Variants in CD3E observed in about 807,000 individuals in gnomAD.
CD3E encodes CD3 epsilon subunit of T-cell receptor complex, also known as T-cell surface glycoprotein CD3 epsilon chain.
Under a neutral mutation model 34.7 loss-of-function variants are expected in CD3E, and 16 were observed. The ratio of observed to expected loss-of-function variants is 0.46; its 90% confidence interval spans 0.31 to 0.70. CD3E has a LOEUF of 0.70. Ranked by LOEUF, CD3E falls within the 30% of genes least tolerant of loss-of-function variation. The pLI, the probability that CD3E is intolerant of heterozygous loss-of-function variation, is 0.05. For missense variants in CD3E, 223 were observed against 253.9 expected, an observed-to-expected ratio of 0.88 and a Z score of 0.83; for synonymous variants, 70 against 90.8, an observed-to-expected ratio of 0.77 and a Z score of 1.30.
chr11:118,312,327 T>C (rs1948140040), intron 5 of CD3E, 157 bp downstream of exon 5: 2 of 833,912 alleles, frequency 2.4e-6, no homozygotes, highest in East Asian at 4.9e-5. Context: ...TAGGGACTTC[T>C]GTGGGTTTTT....
At chr11:118,311,821 G>T (rs1307634505) in intron 4 of CD3E, among the ~76,000 whole-genome samples, 1 of 152,178 alleles carries the variant, frequency 6.6e-6, no homozygotes, top group East Asian at 1.9e-4. Flanking sequence ...GCTAATTTAA[G>T]AGGATAAGCT....
At chr11:118,314,330 G>A (rs1279434586) in intron 7 of CD3E, 118 bp from the exon 8 acceptor site, 5 of 799,216 alleles carry the variant, frequency 6.3e-6, no homozygotes, top group African/African-American at 1.7e-5. Context: ...AGAAAAGGGA[G>A]CGGTAGAGGA....
intron 4 of CD3E, among the ~76,000 whole-genome samples, chr11:118,310,327 C>T (rs1450169380): frequency 6.6e-6 from 1 of 152,152 alleles, no homozygotes; most frequent in Non-Finnish European, 1.5e-5. Context: ...CCTCTGTGTT[C>T]ATGTGTTCTC....
At position 118,307,290 on chromosome 11, in the gene CD3E, G is replaced by C; in HGVS notation, c.52G>C (p.Gly18Arg). ...RVLGLCLLSV[G>R]VWGQDGNEEM... ...TTTTTTTCTTATTTATTTTCTAGTTGGCGTTTGGGGGCAAGATGGTGAGAT... is the reference window on the plus strand; with the variant it reads ...TTTTTTTCTTATTTATTTTCTAGTTCGCGTTTGGGGGCAAGATGGTGAGAT... Residue 18 changes from glycine (G) to arginine (R), a missense_variant and splice_region_variant, in exon 3 of 9, where the codon GGC becomes CGC. By Grantham distance (125) the Gly-to-Arg change is moderately radical. Transcript: ENST00000361763. 6.2e-7 allele frequency: 1 copy of C among 1,605,746 alleles called. No homozygotes were observed. Among genetic ancestry groups the C allele is most frequent in the Non-Finnish European group, 8.5e-7 (1 of 1,173,562 alleles).
Position 118,312,168 on chromosome 11 carries a change from C to T in CD3E, c.101C>T (p.Thr34Ile). Residue 34 changes from threonine to isoleucine, a missense_variant and splice_region_variant, in exon 5 of 9, where the codon ACA becomes ATA. Coordinates refer to ENST00000361763, the MANE Select transcript of CD3E (RefSeq NM_000733.4). ...GNEEMGGITQ[T>I]PYKVSISGTT... is the part of the protein sequence containing the mutation. ...TCATTTTCAGGTGGTATTACACAGA[C>T]ACGTGAGTTTATTGGTCTTTTATTT... 6.2e-7 allele frequency: 1 copy of T among 1,611,626 alleles called. No homozygotes were observed. The highest frequency in any genetic ancestry group is 8.5e-7 in the Non-Finnish European group (1 of 1,177,758).
At chr11:118,313,968 C>T in intron 7 of CD3E, 94 bp downstream of exon 7, 1 of 1,241,360 alleles carries the variant, frequency 8.1e-7, no homozygotes, top group Non-Finnish European at 1.2e-6. Flanking sequence ...TAGGTCAGAA[C>T]AGCTTCTCTA....
At chr11:118,309,078 G>C (rs1179079669) in intron 4 of CD3E, among the ~76,000 whole-genome samples, 3 of 152,186 alleles carry the variant, frequency 2.0e-5, no homozygotes, top group Non-Finnish European at 1.5e-5. Context: ...ATGAGGATAA[G>C]AGTCTAACTG....
In CD3E at chr11:118,304,990, G is replaced by A; in HGVS notation, c.38G>A (p.Cys13Tyr). The A allele has an allele frequency of 6.2e-7, 1 of 1,613,938 alleles. No individual in the cohort carries two copies. Among genetic ancestry groups the A allele is most frequent in the South Asian group, 1.1e-5 (1 of 91,082 alleles). ...SGTHWRVLGL[C>Y]LLSVGVWGQD... ...ACTCACTGGAGAGTTCTGGGCCTCT[G>A]CCTCTTATCAGGTGAGTAGGATGGA... Residue 13 changes from cysteine (C) to tyrosine (Y), a missense_variant, in exon 2 of 9, where the codon TGC (cysteine) becomes TAC (tyrosine). Physicochemically the swap from Cys to Tyr is radical, Grantham distance 194. Coordinates refer to ENST00000361763, the MANE Select transcript of CD3E (RefSeq NM_000733.4).
chr11:118,306,946 T>C (rs1344760852), intron 2 of CD3E, among the ~76,000 whole-genome samples: 1 of 152,206 alleles, frequency 6.6e-6, no homozygotes, highest in Non-Finnish European at 1.5e-5. Flanking sequence ...GACACCAATG[T>C]TCAAAATGGA....
chr11:118,309,822 T>C (rs577679918), intron 4 of CD3E, among the ~76,000 whole-genome samples: 1 of 152,302 alleles, frequency 6.6e-6, no homozygotes, highest in East Asian at 1.9e-4. Flanking sequence ...CCTGGGGATA[T>C]AAATGCAGAT....
chr11:118,309,576 A>AAAACAAACAAACAAAC (rs56791413), intron 4 of CD3E, among the ~76,000 whole-genome samples: 1 of 151,402 alleles, frequency 6.6e-6, no homozygotes, highest in African/African-American at 2.4e-5. Flanking sequence ...ACTCTGTCTC[A>AAAACAAACAAACAAAC]AAACAAACAA....
chr11:118,308,177 T>C (rs546437080), intron 3 of CD3E, among the ~76,000 whole-genome samples: 62 of 152,212 alleles, frequency 4.1e-4, no homozygotes, highest in Non-Finnish European at 4.9e-4. Flanking sequence ...AAAAATAAAA[T>C]AAAGACAACC....
intron 4 of CD3E, among the ~76,000 whole-genome samples, chr11:118,311,606 G>A (rs1224919720): frequency 4.6e-5 from 7 of 152,070 alleles, no homozygotes; most frequent in Non-Finnish European, 1.0e-4. Context: ...TCTCTATTAT[G>A]AGGGACTCAG....
chr11:118,309,898 G>A (rs758117552), intron 4 of CD3E, among the ~76,000 whole-genome samples: 7 of 152,202 alleles, frequency 4.6e-5, no homozygotes, highest in African/African-American at 9.7e-5. Flanking sequence ...CAGGAGGCTC[G>A]CTTGAGCTCA....
rs199624480 is a variant in CD3E at position 118,312,584 on chromosome 11, G to T, written c.104-34G>T. ...ATTTGCCTTTTCTAAAATTGTCCTG[G>T]TTTCTTCTGCCAATTTCCCTTCTTT... On this transcript the variant is annotated intron_variant, in intron 5 of 8. Coordinates refer to ENST00000361763, the MANE Select transcript of CD3E (RefSeq NM_000733.4). The T allele has an allele frequency of 8.1e-6, 13 of 1,613,852 alleles. No individual in the cohort carries two copies. In the Middle Eastern group the frequency reaches 4.9e-4, roughly 61 times the overall value.
intron 3 of CD3E, 104 bp from the exon 4 acceptor site, chr11:118,308,323 T>C (rs537876216): frequency 7.5e-6 from 6 of 805,180 alleles, no homozygotes; most frequent in South Asian, 2.9e-5. Context: ...GAAGATCCAT[T>C]GTTTCCTAAG....
intron 4 of CD3E, among the ~76,000 whole-genome samples, chr11:118,309,392 A>G (rs1301144964): frequency 1.3e-5 from 2 of 152,184 alleles, no homozygotes; most frequent in Non-Finnish European, 2.9e-5. Context: ...CCTGGCCAAC[A>G]TGGTGAAACT....
chr11:118,315,645 T>A lies in CD3E; in HGVS notation c.*103T>A. ...TCTTGGACCCCACGAGAGAGAATCG[T>A]TCCTCAGCCTCATGGTGAACTCGCG... On this transcript the variant is annotated 3_prime_UTR_variant, in exon 9 of 9. Transcript: ENST00000361763. 9.8e-7 allele frequency: 1 copy of A among 1,022,314 alleles called. No individual in the cohort carries two copies. 63.3% of individuals were successfully genotyped at this position (1,022,314 alleles called of 1,614,324 possible).
In CD3E at chr11:118,312,183, G is replaced by A. The variant is rs1460213191; in HGVS notation, c.103+13G>A. 6.2e-7 allele frequency: 1 copy of A among 1,609,738 alleles called. No individual in the cohort carries two copies. Among genetic ancestry groups the A allele is most frequent in the Non-Finnish European group, 8.5e-7 (1 of 1,176,104 alleles). ...ATTACACAGACACGTGAGTTTATTG[G>A]TCTTTTATTTATGCCCTGTCTGAGG... On this transcript the variant is annotated intron_variant, in intron 5 of 8. Transcript: ENST00000361763.
Sources: gnomAD v4.1 joint callset for allele counts (sites outside exome capture counted in the v4.1 genomes callset) on GRCh38, gnomAD v4.1.1 for gene constraint, MANE v1.5 for transcripts, NCBI Gene and HGNC (gene_info 2026-07-23, HGNC 2026-07-21) for gene names.